The following IQCK variants were observed in gnomAD, a reference collection of about 807,000 sequenced individuals.
The protein encoded by IQCK is IQ motif containing K.
In IQCK, 29 loss-of-function variants were observed where a neutral mutation model predicts 28.1. The ratio of observed to expected loss-of-function variants is 1.03; its 90% CI spans 0.77 to 1.41. The LOEUF (loss-of-function observed/expected upper bound fraction) is 1.41, where lower values mean the gene tolerates loss of function less well. Among genes scored for constraint, IQCK ranks in the 40% most tolerant of loss-of-function variants. IQCK has a pLI of 0.00. For synonymous variants in IQCK, 113 were observed against 115.1 expected (o/e 0.98, Z 0.12); for missense variants, 359 against 314.7 (o/e 1.14, Z -1.07).
chr16:19,813,115 G>A (rs2055929577), intron 7 of IQCK, among the ~76,000 whole-genome samples: 1 of 152,214 alleles, frequency 6.6e-6, no homozygotes, highest in African/African-American at 2.4e-5. Flanking sequence ...GATAGACACA[G>A]CTGGAGAAGT....
intron 1 of IQCK, among the ~76,000 whole-genome samples, chr16:19,720,427 T>A (rs1417770955): frequency 6.6e-6 from 1 of 152,218 alleles, no homozygotes; most frequent in Non-Finnish European, 1.5e-5. Context: ...ACTAGAGGAT[T>A]GTTAGAAAAG....
At chr16:19,724,350 C>T (rs1977589134) in intron 1 of IQCK, among the ~76,000 whole-genome samples, 1 of 152,132 alleles carries the variant, frequency 6.6e-6, no homozygotes, top group African/African-American at 2.4e-5. Context: ...TTCATCCCCT[C>T]TCTGGAACAT....
rs143131291 is a variant in IQCK at position 19,853,152 on chromosome 16, ACT to A, written c.803-3333_803-3332del. On this transcript the variant is annotated intron_variant, in intron 9 of 9. Coordinates refer to the IQCK transcript ENST00000320394. ...TGGAATCATTTGTATTCACTGTCAG[ACT>A]CAGTTCCATTTGGTAACGCCAAGCA... is the stretch of plus-strand genomic sequence containing the variant. Among the ~76,000 whole-genome samples the A allele has an allele frequency of 6.3e-3, 952 of 152,104 alleles. 9 individuals are homozygous for A. Among genetic ancestry groups the A allele is most frequent in the African/African-American group, 0.021 (890 of 41,492 alleles).
At chr16:19,744,161 G>T (rs1267418358) in intron 4 of IQCK, among the ~76,000 whole-genome samples, 2 of 152,044 alleles carry the variant, frequency 1.3e-5, no homozygotes, top group Admixed American at 1.3e-4. Context: ...CACTCATCTT[G>T]TGATTCTTTT....
At chr16:19,830,133 C>T (rs888252875), downstream of IQCK, among the ~76,000 whole-genome samples, 1 of 152,198 alleles carries the variant, frequency 6.6e-6, no homozygotes, top group Non-Finnish European at 1.5e-5. Context: ...CTAAGCTGCC[C>T]TTGTAAAGAA....
chr16:19,842,992 A>G (rs1041421660), intron 9 of IQCK, among the ~76,000 whole-genome samples: 1 of 152,106 alleles, frequency 6.6e-6, no homozygotes, highest in African/African-American at 2.4e-5. Flanking sequence ...GACTCTTGCA[A>G]AGGTGTAAGT....
exon 10 of IQCK, chr16:19,858,122 G>C (rs1386278882): frequency 1.6e-5 from 3 of 185,594 alleles, no homozygotes; most frequent in African/African-American, 7.0e-5. Flanking sequence ...CTTGCTCCAC[G>C]GGGGGCAGCT....
At chr16:19,856,810 ATTC>A (rs2056568580) in exon 10 of IQCK, 4 of 429,960 alleles carry the variant, frequency 9.3e-6, no homozygotes, top group Non-Finnish European at 1.7e-5. Context: ...CCTCAGGAGT[ATTC>A]TTCTACACCA....
At chr16:19,819,543 C>A in intron 7 of IQCK, 1 of 156,368 alleles carries the variant, frequency 6.4e-6, no homozygotes, top group Non-Finnish European at 1.4e-5. Context: ...CGCCAGTAGA[C>A]TTAGAATGTA....
chr16:19,722,220 C>T (rs1226783430), intron 1 of IQCK, among the ~76,000 whole-genome samples: 1 of 152,134 alleles, frequency 6.6e-6, no homozygotes, highest in Non-Finnish European at 1.5e-5. Context: ...GCATAGGATG[C>T]GTTCACTGAG....
chr16:19,746,520 G>A (rs144411395), intron 4 of IQCK, among the ~76,000 whole-genome samples: 93 of 152,262 alleles, frequency 6.1e-4, no homozygotes, highest in African/African-American at 2.2e-3. Flanking sequence ...TTCCCATTGT[G>A]ACTCTTAGAA....
chr16:19,852,539 A>T (rs369572675), intron 9 of IQCK, among the ~76,000 whole-genome samples: 1 of 151,342 alleles, frequency 6.6e-6, no homozygotes, highest in African/African-American at 2.4e-5. Context: ...TCACGTTTGT[A>T]TGCATCTCTC....
chr16:19,759,156 C>T (rs2055095896), intron 4 of IQCK, among the ~76,000 whole-genome samples: 1 of 152,170 alleles, frequency 6.6e-6, no homozygotes, highest in South Asian at 2.1e-4. Context: ...CATTCATTTA[C>T]TCAACAGGGA....
Position 19,823,699 on chromosome 16 carries a change from C to T in IQCK, c.691-3327C>T, listed in dbSNP as rs758924246. On this transcript the variant is annotated intron_variant, in intron 7 of 7. Transcript: ENST00000564186. ...CGCCTGTAATACCAGCACTTTGGGA[C>T]GCCGAGGTGGGCAGACCACCTGAGG... Among the ~76,000 whole-genome samples the T allele has an allele frequency of 8.5e-5, 13 of 152,198 alleles. No homozygotes were observed. The East Asian group carries it at 9.7e-4, about 11-fold the overall frequency.
intron 7 of IQCK, among the ~76,000 whole-genome samples, chr16:19,822,950 T>G (rs1567571249): frequency 2.0e-5 from 3 of 151,758 alleles, no homozygotes. Context: ...TGATGTAAAA[T>G]TATTAAGAGA....
chr16:19,741,229 C>T (rs140395772), intron 4 of IQCK, among the ~76,000 whole-genome samples: 54 of 152,176 alleles, frequency 3.5e-4, no homozygotes, highest in African/African-American at 1.2e-3. Flanking sequence ...GAAATGGCTA[C>T]AGTGGATCTG....
intron 6 of IQCK, among the ~76,000 whole-genome samples, chr16:19,768,773 A>G (rs1368504124): frequency 1.3e-5 from 2 of 152,066 alleles, no homozygotes; most frequent in African/African-American, 2.4e-5. Flanking sequence ...ACAAACAAAA[A>G]TATATCTCCA....
At chr16:19,812,902 G>T (rs2055927480) in intron 7 of IQCK, among the ~76,000 whole-genome samples, 1 of 152,240 alleles carries the variant, frequency 6.6e-6, no homozygotes, top group Admixed American at 6.5e-5. Flanking sequence ...GAAAGCAATT[G>T]AATCAATGTA....
chr16:19,731,787 C>G (rs1418414571), intron 2 of IQCK, among the ~76,000 whole-genome samples: 1 of 152,158 alleles, frequency 6.6e-6, no homozygotes, highest in Non-Finnish European at 1.5e-5. Context: ...AGAAGTCCTA[C>G]ATTAGGCTGT....
Sources: gnomAD v4.1 joint callset for allele counts (sites outside exome capture counted in the v4.1 genomes callset) on GRCh38, gnomAD v4.1.1 for gene constraint, MANE v1.5 for transcripts, NCBI Gene and HGNC (gene_info 2026-07-23, HGNC 2026-07-21) for gene names.